CAMKK2: variants seen among roughly 807,000 people sequenced by gnomAD.
The protein encoded by CAMKK2 is calcium/calmodulin-dependent protein kinase kinase 2.
In CAMKK2, 30 loss-of-function variants were observed where a neutral mutation model predicts 67.2. The ratio of observed to expected loss-of-function variants is 0.45; its 90% CI spans 0.33 to 0.61. CAMKK2 has a LOEUF of 0.61. CAMKK2 is among the 20% of genes least tolerant of loss of function. The probability of loss-of-function intolerance (pLI) is 0.02; values close to 1 mark genes in which losing one functional copy is unlikely to be tolerated. For missense variants in CAMKK2, 643 were observed against 802.0 expected (o/e 0.80, Z 2.39); for synonymous variants, 322 against 326.2 (o/e 0.99, Z 0.14).
chr12:121,244,771 C>T (rs371507769), intron 15 of CAMKK2, among the ~76,000 whole-genome samples, 156 bp from the exon 16 acceptor site: 3 of 152,246 alleles, frequency 2.0e-5, no homozygotes, highest in South Asian at 4.1e-4. Context: ...GGACACCTCT[C>T]TGCATGGACA....
At position 121,240,652 on chromosome 12, in the gene CAMKK2, C is replaced by CCCCAGAGGCGACGCGGCG; in HGVS notation, c.*29_*46dup. The CCCCAGAGGCGACGCGGCG allele has an allele frequency of 6.5e-7, 1 of 1,548,004 alleles. No individual in the cohort carries two copies. The highest frequency in any genetic ancestry group is 1.2e-5 in the South Asian group (1 of 85,218). On this transcript the variant is annotated 3_prime_UTR_variant, in exon 17 of 17. Transcript: ENST00000404169. The surrounding 1 kb of genome is among the most constrained non-coding windows in gnomAD (Gnocchi z 4.4). Reference sequence around the variant, plus strand: ...GCTATGGAAACGCGGTGCAGCAGCCCCCCAGAGGCGACGCGGCGCGCATGC... The same window carrying CCCCAGAGGCGACGCGGCG: ...GCTATGGAAACGCGGTGCAGCAGCCCCCCAGAGGCGACGCGGCGCCCAGAGGCGACGCGGCGCGCATGC...
rs545015814 is a variant in CAMKK2 at position 121,285,717 on chromosome 12, T to C, written c.-60+10921A>G. Reference sequence around the variant, plus strand: ...GTCCCAGCTACTAGGGAGGCTGAGGTGGGAGGATCGCTTGAGCTGGGGAGG... The same window carrying C: ...GTCCCAGCTACTAGGGAGGCTGAGGCGGGAGGATCGCTTGAGCTGGGGAGG... On this transcript the variant is annotated intron_variant, in intron 1 of 16. Transcript: ENST00000404169. The surrounding 1 kb of genome is among the most constrained non-coding windows in gnomAD (Gnocchi z 4.1). Among the ~76,000 whole-genome samples the C allele has an allele frequency of 6.6e-6, 1 of 151,616 alleles. No individual in the cohort carries two copies. The highest frequency in any genetic ancestry group is 2.4e-5 in the African/African-American group (1 of 41,316).
At chr12:121,293,483 A>G (rs982348187) in intron 1 of CAMKK2, among the ~76,000 whole-genome samples, 1 of 133,784 alleles carries the variant, frequency 7.5e-6, no homozygotes, top group Non-Finnish European at 1.5e-5. Flanking sequence ...CCCTTCATAT[A>G]AAGAGGCTTC....
intron 2 of CAMKK2, among the ~76,000 whole-genome samples, chr12:121,271,513 T>G (rs574594603): frequency 6.6e-6 from 1 of 152,288 alleles, no homozygotes; most frequent in East Asian, 1.9e-4. Flanking sequence ...TAAAGAAGGT[T>G]GTTCCTACTT....
In CAMKK2 at chr12:121,256,249, G is replaced by C. The variant is rs1291865660; in HGVS notation, c.797-445C>G. 2.0e-5 allele frequency among the ~76,000 whole-genome samples: 3 copies of C among 152,132 alleles called. No individual in the cohort carries two copies. The East Asian group carries it at 5.8e-4, about 29-fold the overall frequency. On this transcript the variant is annotated intron_variant, in intron 7 of 16. Coordinates refer to ENST00000404169, the MANE Select transcript of CAMKK2 (RefSeq NM_001270485.2). ...CAAAAATCAGCCGGGCGTGGTGGCA[G>C]GTGCCTGTAATCCCAGCTACTTGGG...
At chr12:121,264,887 C>T (rs1894219281) in intron 5 of CAMKK2, among the ~76,000 whole-genome samples, 1 of 151,628 alleles carries the variant, frequency 6.6e-6, no homozygotes, top group Non-Finnish European at 1.5e-5. Context: ...GGGAGGATCA[C>T]CTGCGCCCAG....
chr12:121,288,662 C>T (rs11065519), intron 1 of CAMKK2, among the ~76,000 whole-genome samples: 89,184 of 151,882 alleles, frequency 0.59, 26,939 homozygotes, highest in Admixed American at 0.66. Context: ...CTACCCCACC[C>T]GCTGGGTTCC....
intron 13 of CAMKK2, among the ~76,000 whole-genome samples, chr12:121,249,531 C>T (rs1308339769): frequency 2.0e-5 from 3 of 152,164 alleles, no homozygotes; most frequent in Admixed American, 1.3e-4. Context: ...GAGGGTGGAT[C>T]CCATCAGCCC....
At position 121,290,382 on chromosome 12, in the gene CAMKK2, G is replaced by A. The variant is rs74357433; in HGVS notation, c.-60+6256C>T. Reference sequence around the variant, plus strand: ...AAAATATATACTAATAAAATCACATGGGGACCTTCATTTAACAAAACAGGG... The same window carrying A: ...AAAATATATACTAATAAAATCACATAGGGACCTTCATTTAACAAAACAGGG... On this transcript the variant is annotated intron_variant, in intron 1 of 16. Coordinates refer to ENST00000404169, the MANE Select transcript of CAMKK2 (RefSeq NM_001270485.2). Among the ~76,000 whole-genome samples, 43 of 152,250 alleles carry A rather than the reference G, an allele frequency of 2.8e-4. No homozygotes were observed. The East Asian group carries it at 7.0e-3, about 25-fold the overall frequency.
At chr12:121,267,638 A>ACACACCACTACGCT (rs1894892609) in intron 5 of CAMKK2, among the ~76,000 whole-genome samples, 1 of 151,774 alleles carries the variant, frequency 6.6e-6, no homozygotes, top group Non-Finnish European at 1.5e-5. Flanking sequence ...GATTACAGGC[A>ACACACCACTACGCT]CACACCACTA....
chr12:121,291,585 C>G (rs1900029287), intron 1 of CAMKK2, among the ~76,000 whole-genome samples: 1 of 152,146 alleles, frequency 6.6e-6, no homozygotes, highest in South Asian at 2.1e-4. Flanking sequence ...TCCAGAGAGA[C>G]AGAAAGTAGG....
chr12:121,250,218 C>T (rs1566046162), intron 11 of CAMKK2, among the ~76,000 whole-genome samples, 184 bp from the exon 12 acceptor site: 1 of 152,094 alleles, frequency 6.6e-6, no homozygotes, highest in Admixed American at 6.5e-5. Context: ...TGGGGCCTGG[C>T]CGACGCAGGG....
chr12:121,284,538 T>C (rs1898370564), intron 1 of CAMKK2, among the ~76,000 whole-genome samples: 1 of 152,184 alleles, frequency 6.6e-6, no homozygotes, highest in African/African-American at 2.4e-5. Flanking sequence ...TTGCCCAGGC[T>C]GGTCTCGAAC....
At chr12:121,257,249 C>CTT (rs199805251) in intron 7 of CAMKK2, among the ~76,000 whole-genome samples, 115 of 144,002 alleles carry the variant, frequency 8.0e-4, no homozygotes, top group East Asian at 1.4e-3. Flanking sequence ...ATTAAAAAAA[C>CTT]TTTTTTTTTT....
intron 4 of CAMKK2, 62 bp from the exon 5 acceptor site, chr12:121,268,751 GGAA>G: frequency 6.6e-7 from 1 of 1,521,312 alleles, no homozygotes. Flanking sequence ...GAGGAAAAGG[GGAA>G]GGAGGGCGCA....
chr12:121,294,588 T>C (rs1900763549), intron 1 of CAMKK2, among the ~76,000 whole-genome samples: 1 of 152,222 alleles, frequency 6.6e-6, no homozygotes, highest in African/African-American at 2.4e-5. Context: ...CCAGGGTCTC[T>C]GCTCTTGAAC....
intron 2 of CAMKK2, among the ~76,000 whole-genome samples, chr12:121,273,580 C>T (rs981541928): frequency 3.3e-5 from 5 of 152,102 alleles, no homozygotes; most frequent in African/African-American, 7.2e-5. Context: ...AGTGACCCGC[C>T]TCATTCCATC....
Position 121,296,190 on chromosome 12 carries a change from G to T in CAMKK2, c.-60+448C>A, listed in dbSNP as rs1901145732. Among the ~76,000 whole-genome samples the T allele has an allele frequency of 6.6e-6, 1 of 152,120 alleles. No individual in the cohort carries two copies. The highest frequency in any genetic ancestry group is 6.5e-5 in the Admixed American group (1 of 15,280). On this transcript the variant is annotated intron_variant, in intron 1 of 16. Transcript: ENST00000404169. This position sits in a 1 kb window ranked among gnomAD's most constrained non-coding sequence, Gnocchi z 7.1. ...CCACCAGGGCCTGGGTTTGCCCCGA[G>T]ACAGGCAGGCTGCGGGGTGGGGGTG...
At chr12:121,290,858 A>G (rs148424271) in intron 1 of CAMKK2, among the ~76,000 whole-genome samples, 3 of 152,196 alleles carry the variant, frequency 2.0e-5, no homozygotes, top group African/African-American at 7.2e-5. Context: ...TCGCTCTGTC[A>G]CCCAGGCTGG....
Sources: gnomAD v4.1 joint callset for allele counts (sites outside exome capture counted in the v4.1 genomes callset) on GRCh38, gnomAD v4.1.1 for gene constraint, Gnocchi (gnomAD v3.1) non-coding constraint, MANE v1.5 for transcripts, NCBI Gene and HGNC (gene_info 2026-07-23, HGNC 2026-07-21) for gene names.